Variants in SEPTIN11 observed in about 807,000 individuals in gnomAD.
SEPTIN11 encodes septin 11.
In SEPTIN11, 25 loss-of-function variants were observed where a neutral mutation model predicts 51.4. The observed-to-expected ratio is 0.49, with a 90% CI of 0.35 to 0.68. The LOEUF (loss-of-function observed/expected upper bound fraction) is 0.68, where lower values mean the gene tolerates loss of function less well. Ranked by LOEUF, SEPTIN11 falls within the 30% of genes least tolerant of loss-of-function variation. The pLI is 0.00. For missense variants in SEPTIN11, 381 were observed against 520.8 expected (o/e 0.73, Z 2.61); for synonymous variants, 174 against 184.1 (o/e 0.95, Z 0.44).
chr4:77,022,164 A>G lies in SEPTIN11; in HGVS notation c.953+1494A>G, dbSNP rs547057035. Among the ~76,000 whole-genome samples, 3 of 152,346 alleles carry G rather than the reference A, an allele frequency of 2.0e-5. No individual in the cohort carries two copies. In the East Asian group the frequency reaches 5.8e-4, roughly 29 times the overall value. ...TGATGAAATGGTTTCTGTGTGGGAAAGGCCGTCTTCAGTATTACATAAAAT... is the reference window on the plus strand; with the variant it reads ...TGATGAAATGGTTTCTGTGTGGGAAGGGCCGTCTTCAGTATTACATAAAAT... On this transcript the variant is annotated intron_variant, in intron 7 of 9. Coordinates refer to ENST00000264893, the MANE Select transcript of SEPTIN11 (RefSeq NM_018243.4).
intron 4 of SEPTIN11, among the ~76,000 whole-genome samples, chr4:77,012,255 A>T (rs1724925368): frequency 6.6e-6 from 1 of 151,732 alleles, no homozygotes; most frequent in Non-Finnish European, 1.5e-5. Context: ...GTTTGGTTTT[A>T]ATTCAAAGTT....
intron 2 of SEPTIN11, among the ~76,000 whole-genome samples, chr4:76,998,502 A>G (rs1050829434): frequency 6.6e-6 from 1 of 152,238 alleles, no homozygotes; most frequent in Admixed American, 6.5e-5. Context: ...GGCTCCTTCC[A>G]TCCATTCTCA....
intron 1 of SEPTIN11, among the ~76,000 whole-genome samples, chr4:76,982,505 C>T (rs1057325423): frequency 1.3e-5 from 2 of 152,116 alleles, no homozygotes; most frequent in African/African-American, 2.4e-5. Context: ...CCACCACCCC[C>T]GGCCCAGATC....
intron 1 of SEPTIN11, among the ~76,000 whole-genome samples, chr4:76,955,757 A>G (rs1721533461): frequency 6.6e-6 from 1 of 152,178 alleles, no homozygotes; most frequent in South Asian, 2.1e-4. Context: ...GGAAATGAAG[A>G]CTGACAGAGG....
chr4:77,016,028 G>A (rs1190446614), intron 5 of SEPTIN11, among the ~76,000 whole-genome samples: 1 of 152,148 alleles, frequency 6.6e-6, no homozygotes, highest in Non-Finnish European at 1.5e-5. Flanking sequence ...AGTCCACTTG[G>A]AAGAGATACT....
intron 4 of SEPTIN11, among the ~76,000 whole-genome samples, chr4:77,012,325 A>AT (rs1724933459): frequency 6.6e-6 from 1 of 152,194 alleles, no homozygotes; most frequent in Non-Finnish European, 1.5e-5. Context: ...AGCTTCTTCA[A>AT]TTTTAAAACT....
chr4:76,980,170 C>T (rs1194714504), intron 1 of SEPTIN11, among the ~76,000 whole-genome samples: 1 of 151,976 alleles, frequency 6.6e-6, no homozygotes, highest in East Asian at 1.9e-4. Flanking sequence ...ATAGGTACTC[C>T]CAGCAACTTT....
intron 2 of SEPTIN11, among the ~76,000 whole-genome samples, chr4:77,004,950 G>A (rs1366418184): frequency 6.6e-6 from 1 of 152,120 alleles, no homozygotes; most frequent in Admixed American, 6.5e-5. Flanking sequence ...GGGACAGAGC[G>A]AGACTCTGTC....
At position 77,037,738 on chromosome 4, in the gene SEPTIN11, A is replaced by G. The variant is rs769688713; in HGVS notation, c.*3226A>G. 5.7e-5 allele frequency: 56 copies of G among 985,748 alleles called. No individual in the cohort carries two copies. Among genetic ancestry groups the G allele is most frequent in the Non-Finnish European group, 6.1e-5 (51 of 829,928 alleles). 61.1% of individuals were successfully genotyped at this position (985,748 alleles called of 1,614,324 possible). Reference sequence around the variant, plus strand: ...GTACTGTAGAATGTGATGGAAAAGCATTGATGAGAATTTATTGGCAGTTCA... The same window carrying G: ...GTACTGTAGAATGTGATGGAAAAGCGTTGATGAGAATTTATTGGCAGTTCA... On this transcript the variant is annotated 3_prime_UTR_variant, in exon 10 of 10. Coordinates refer to ENST00000264893, the MANE Select transcript of SEPTIN11 (RefSeq NM_018243.4).
At chr4:76,981,026 A>G (rs1722745251) in intron 1 of SEPTIN11, among the ~76,000 whole-genome samples, 2 of 152,232 alleles carry the variant, frequency 1.3e-5, no homozygotes. Flanking sequence ...ATCTAGGACC[A>G]TTGATGTGGA....
At chr4:76,981,939 C>T (rs547634532) in intron 1 of SEPTIN11, among the ~76,000 whole-genome samples, 5 of 152,226 alleles carry the variant, frequency 3.3e-5, no homozygotes, top group Non-Finnish European at 5.9e-5. Flanking sequence ...TCTTTCATGA[C>T]GTGGCTGCTC....
intron 1 of SEPTIN11, chr4:76,972,655 G>A (rs2109903288): frequency 6.6e-6 from 1 of 152,294 alleles, no homozygotes; most frequent in African/African-American, 2.4e-5. Flanking sequence ...AAACAAGCAA[G>A]GGAGCCCTTA....
intron 8 of SEPTIN11, among the ~76,000 whole-genome samples, chr4:77,029,160 TGG>T (rs2109982992): frequency 6.6e-6 from 1 of 152,330 alleles, no homozygotes; most frequent in South Asian, 2.1e-4. Context: ...TGGCAGTGTC[TGG>T]GGGACAACGA....
intron 1 of SEPTIN11, among the ~76,000 whole-genome samples, chr4:76,978,503 C>G (rs1378554160): frequency 6.6e-6 from 1 of 152,106 alleles, no homozygotes; most frequent in Non-Finnish European, 1.5e-5. Context: ...CCAGGCTCTA[C>G]TAATGTAGTG....
chr4:76,965,530 AT>A (rs1171550972), intron 1 of SEPTIN11, among the ~76,000 whole-genome samples: 1 of 151,286 alleles, frequency 6.6e-6, no homozygotes, highest in Admixed American at 6.6e-5. Context: ...GTGGTATAAT[AT>A]TATGTATTAT....
intron 7 of SEPTIN11, among the ~76,000 whole-genome samples, chr4:77,027,615 C>G (rs1364623181): frequency 6.6e-6 from 1 of 152,160 alleles, no homozygotes; most frequent in Non-Finnish European, 1.5e-5. Context: ...AGTTTGTAGT[C>G]TACACTTTGG....
chr4:77,016,633 C>CACACACAT (rs1375044162), intron 5 of SEPTIN11, among the ~76,000 whole-genome samples: 1 of 72,744 alleles, frequency 1.4e-5, no homozygotes, highest in African/African-American at 5.2e-5. Flanking sequence ...TATATATACA[C>CACACACAT]ATATATATAT....
At chr4:77,033,088 G>A (rs1726777332) in intron 9 of SEPTIN11, among the ~76,000 whole-genome samples, 1 of 152,002 alleles carries the variant, frequency 6.6e-6, no homozygotes, top group South Asian at 2.1e-4. Context: ...CTTTTTCTAG[G>A]TCCTTACCCT....
chr4:77,006,959 G>A lies in SEPTIN11; in HGVS notation c.338+1163G>A, dbSNP rs190003973. Among the ~76,000 whole-genome samples the A allele has an allele frequency of 3.4e-4, 51 of 152,238 alleles. No individual in the cohort carries two copies. The East Asian group carries it at 8.5e-3, about 25-fold the overall frequency. On this transcript the variant is annotated intron_variant, in intron 3 of 9. Transcript: ENST00000264893. ...AATGCTCTTCAGTAGACATTGTCCCGTGATAACAGGAACAATTGGTAGATA... is the reference window on the plus strand; with the variant it reads ...AATGCTCTTCAGTAGACATTGTCCCATGATAACAGGAACAATTGGTAGATA...
Sources: allele counts gnomAD v4.1 joint callset (sites outside exome capture counted in the v4.1 genomes callset), GRCh38; gene constraint gnomAD v4.1.1; transcripts MANE v1.5; gene names NCBI Gene and HGNC (gene_info 2026-07-23, HGNC 2026-07-21).